Variants in MROH2B observed in about 807,000 individuals in gnomAD.
The protein encoded by MROH2B is maestro heat like repeat family member 2B, also known as maestro heat-like repeat-containing protein family member 2B.
In MROH2B, 177 loss-of-function variants were observed where a neutral mutation model predicts 208.6. The observed-to-expected ratio is 0.85, with a 90% CI of 0.75 to 0.96. The LOEUF is 0.96. MROH2B is among the 40% of genes least tolerant of loss of function. MROH2B has a pLI of 0.00. For missense variants in MROH2B, 2,002 were observed against 1,878.7 expected (o/e 1.07, Z -1.21); for synonymous variants, 728 against 659.0 (o/e 1.10, Z -1.60).
intron 40 of MROH2B, 109 bp from the exon 41 acceptor site, chr5:40,998,786 T>A (rs1313186434): frequency 2.3e-6 from 2 of 858,276 alleles, no homozygotes; most frequent in African/African-American, 3.4e-5. Flanking sequence ...GGTAGGCTGG[T>A]GAATGAGCAA....
chr5:41,010,300 AT>A (rs1285403787), intron 30 of MROH2B, among the ~76,000 whole-genome samples: 1 of 152,226 alleles, frequency 6.6e-6, no homozygotes, highest in Non-Finnish European at 1.5e-5. Context: ...GAAAGGGTGT[AT>A]TATGACAGGT....
At chr5:41,052,808 A>T (rs1030696151) in intron 11 of MROH2B, among the ~76,000 whole-genome samples, 1 of 152,226 alleles carries the variant, frequency 6.6e-6, no homozygotes, top group Non-Finnish European at 1.5e-5. Context: ...AAATGTTTGC[A>T]TTAAACTTAC....
In MROH2B at chr5:41,039,454, T is replaced by C; in HGVS notation, c.2055A>G (p.Arg685=). 1.9e-6 allele frequency: 3 copies of C among 1,571,638 alleles called. No individual in the cohort carries two copies. Among genetic ancestry groups the C allele is most frequent in the Non-Finnish European group, 2.6e-6 (3 of 1,150,172 alleles). Residue 685 remains arginine, a synonymous_variant, in exon 20 of 42, where the codon CGA becomes CGG. Transcript: ENST00000399564. ...FQNQEKFFMN[R]CKSLFSGKKS... is the part of the protein sequence containing the mutation. Reference sequence around the variant, plus strand: ...AGGAGATGATTCTTCTTACCTTACATCGATTCATGAAAAACTTTTCCTGAT... The same window carrying C: ...AGGAGATGATTCTTCTTACCTTACACCGATTCATGAAAAACTTTTCCTGAT...
chr5:41,000,796 A>G lies in MROH2B; in HGVS notation c.4232T>C (p.Phe1411Ser), dbSNP rs1299599659. The G allele has an allele frequency of 5.0e-6, 8 of 1,611,764 alleles. No individual in the cohort carries two copies. Among genetic ancestry groups the G allele is most frequent in the Non-Finnish European group, 6.8e-6 (8 of 1,179,044 alleles). ...TCCTGTTAGGGGTGCCAGGTCCTCA[A>G]ATAAGAAGATGGCAGTCAATCTCAC... ...DDVRLTAIFL[F>S]EDLAPLTGRR... is the part of the protein sequence containing the mutation. The change falls in exon 38 of 42, where the codon TTT becomes TCT. Residue 1411 changes from phenylalanine to serine, a missense_variant. Phe to Ser is a radical substitution (Grantham distance 155, BLOSUM62 -2). Transcript: ENST00000399564.
chr5:41,056,936 C>T lies in MROH2B; in HGVS notation c.919+173G>A, dbSNP rs538063450. Reference sequence around the variant, plus strand: ...TGGCCATTCTTCCCGTCCTGCTCCTCCTGGGAACTTGTGGGGAGAGGGGCA... The same window carrying T: ...TGGCCATTCTTCCCGTCCTGCTCCTTCTGGGAACTTGTGGGGAGAGGGGCA... On this transcript the variant is annotated intron_variant, in intron 9 of 41. Coordinates refer to ENST00000399564, the MANE Select transcript of MROH2B (RefSeq NM_173489.5). 8.8e-5 allele frequency: 60 copies of T among 684,854 alleles called. No individual in the cohort carries two copies. In the Middle Eastern group the frequency reaches 1.2e-3, roughly 14 times the overall value. The allele number at this position is 684,854 out of a possible 1,614,324, so 42.4% of individuals were successfully genotyped here. A position where few individuals can be genotyped will look rare whatever the true frequency, so the allele number is the denominator to read the frequency against.
chr5:41,058,732 AAT>A (rs1743542470), intron 6 of MROH2B, among the ~76,000 whole-genome samples: 1 of 152,068 alleles, frequency 6.6e-6, no homozygotes, highest in South Asian at 2.1e-4. Flanking sequence ...TATATTAAGC[AAT>A]CTAGAACTTA....
rs1032132349 is a variant in MROH2B, at chr5:41,019,095, C to T, written c.2442-77G>A. ...TACCCAGTGGAATTCCCAAGAACTG[C>T]CAATCACATCTGACCAGGCAACTAA... On this transcript the variant is annotated intron_variant, in intron 24 of 41. Transcript: ENST00000399564. 2.9e-5 allele frequency: 45 copies of T among 1,561,642 alleles called. No homozygotes were observed. The Middle Eastern group carries it at 8.6e-4, about 30-fold the overall frequency.
At chr5:41,064,652 A>G in intron 4 of MROH2B, 82 bp from the exon 5 acceptor site, 3 of 1,024,380 alleles carry the variant, frequency 2.9e-6, no homozygotes, top group Non-Finnish European at 4.5e-6. Flanking sequence ...AACAAGAAGC[A>G]TTTCAGGGCT....
chr5:41,020,700 G>A (rs1419592358), intron 24 of MROH2B, among the ~76,000 whole-genome samples: 2 of 152,064 alleles, frequency 1.3e-5, no homozygotes, highest in African/African-American at 2.4e-5. Flanking sequence ...TTTTAAAACA[G>A]GCAACAATTA....
At position 41,048,304 on chromosome 5, in the gene MROH2B, C is replaced by G; in HGVS notation, c.1684+20G>C. 1 of 1,596,592 alleles carries G rather than the reference C, an allele frequency of 6.3e-7. No individual in the cohort carries two copies. The highest frequency in any genetic ancestry group is 1.3e-5 in the African/African-American group (1 of 74,106). ...ATGTTCTTGCCCCCTGGGTAAAGAC[C>G]TGGCCCCAATCCCTTGTACCTTCCA... On this transcript the variant is annotated intron_variant, in intron 16 of 41. Transcript: ENST00000399564.
chr5:41,010,188 G>T, intron 30 of MROH2B, 109 bp from the exon 31 acceptor site: 2 of 987,282 alleles, frequency 2.0e-6, no homozygotes, highest in Non-Finnish European at 2.9e-6. Context: ...TCTAAATAAT[G>T]TTAAAAATAA....
intron 28 of MROH2B, among the ~76,000 whole-genome samples, chr5:41,015,711 G>T (rs554614964): frequency 7.9e-5 from 12 of 152,144 alleles, no homozygotes; most frequent in African/African-American, 2.2e-4. Context: ...TCCTGTTCTC[G>T]TCTTGGTTTT....
chr5:41,039,408 C>T, intron 20 of MROH2B, 40 bp downstream of exon 20: 2 of 1,239,402 alleles, frequency 1.6e-6, no homozygotes, highest in Non-Finnish European at 2.3e-6. Context: ...GTTGTCTGGC[C>T]TTGCAATACT....
At position 41,007,593 on chromosome 5, in the gene MROH2B, C is replaced by G. The variant is rs558020020; in HGVS notation, c.3609-139G>C. 3.9e-6 allele frequency: 3 copies of G among 764,080 alleles called. No individual in the cohort carries two copies. The South Asian group carries it at 1.3e-4, about 33-fold the overall frequency. 47.3% of individuals were successfully genotyped at this position (764,080 alleles called of 1,614,324 possible). A position where few individuals can be genotyped will look rare whatever the true frequency, so the allele number is the denominator to read the frequency against. Reference sequence around the variant, plus strand: ...GTTGTGTAAGGGAAAAACAGGCAGCCCTATGCTCACATTTTAGCCTTGGGA... The same window carrying G: ...GTTGTGTAAGGGAAAAACAGGCAGCGCTATGCTCACATTTTAGCCTTGGGA... On this transcript the variant is annotated intron_variant, in intron 33 of 41. Transcript: ENST00000399564.
intron 41 of MROH2B, 147 bp downstream of exon 41, chr5:40,998,465 G>T (rs1040047295): frequency 3.0e-6 from 2 of 674,938 alleles, no homozygotes; most frequent in Non-Finnish European, 5.0e-6. Flanking sequence ...GTACCCTGGA[G>T]AAATTCTAGT....
In MROH2B at chr5:40,998,674, G is replaced by A. The variant is rs1741288035; in HGVS notation, c.4589C>T (p.Ala1530Val). 6.3e-7 allele frequency: 1 copy of A among 1,580,660 alleles called. No individual in the cohort carries two copies. Among genetic ancestry groups the A allele is most frequent in the South Asian group, 1.2e-5 (1 of 86,206 alleles). Residue 1530 changes from alanine to valine, a missense_variant, in exon 41 of 42, where the codon GCC becomes GTC. Ala to Val is a moderately conservative substitution (Grantham distance 64). Transcript: ENST00000399564. ...IRSAAVKLTD[A>V]VVLNLTSQYV... ...TTGGCTGGTCAAATTGAGAACAACG[G>A]CATCTAAAGTTAATAGGAGACCATG...
At chr5:41,047,905 TACTAC>T in intron 16 of MROH2B, 141 bp from the exon 17 acceptor site, 1 of 716,862 alleles carries the variant, frequency 1.4e-6, no homozygotes. Context: ...AGATCAAATT[TACTAC>T]ACTGGCAACT....
Position 41,005,523 on chromosome 5 carries a change from T to A in MROH2B, c.3864+8A>T. 1 of 1,556,582 alleles carries A rather than the reference T, an allele frequency of 6.4e-7. No individual in the cohort carries two copies. Among genetic ancestry groups the A allele is most frequent in the Non-Finnish European group, 8.7e-7 (1 of 1,146,370 alleles). On this transcript the variant is annotated splice_region_variant and intron_variant, in intron 35 of 41. Coordinates refer to ENST00000399564, the MANE Select transcript of MROH2B (RefSeq NM_173489.5). ...AGTGAGTGTGCTCTGAGGGCTGTTC[T>A]CCCTTGCCTCAGAGAAGAAAGCTGC...
intron 18 of MROH2B, among the ~76,000 whole-genome samples, chr5:41,044,449 T>A (rs1743055879): frequency 6.6e-6 from 1 of 152,184 alleles, no homozygotes; most frequent in African/African-American, 2.4e-5. Context: ...ATTCTTACTT[T>A]ACTCTTGTTC....
Sources: gnomAD v4.1 joint callset for allele counts (sites outside exome capture counted in the v4.1 genomes callset) on GRCh38, gnomAD v4.1.1 for gene constraint, MANE v1.5 for transcripts, NCBI Gene and HGNC (gene_info 2026-07-23, HGNC 2026-07-21) for gene names.